GLDC: variants seen among roughly 807,000 people sequenced by gnomAD.
The protein encoded by GLDC is glycine dehydrogenase (decarboxylating), mitochondrial.
In GLDC, 104 loss-of-function variants were observed where a neutral mutation model predicts 121.3. The observed-to-expected ratio is 0.86, with a 90% CI of 0.73 to 1.01. The LOEUF (loss-of-function observed/expected upper bound fraction) is 1.01, where lower values mean the gene tolerates loss of function less well. GLDC is among the 50% of genes least tolerant of loss of function. The pLI is 0.00. For missense variants in GLDC, 1,429 were observed against 1,306.6 expected (o/e 1.09, Z -1.44); for synonymous variants, 546 against 480.6 (o/e 1.14, Z -1.78).
At chr9:6,617,711 CT>C in intron 3 of GLDC, among the ~76,000 whole-genome samples, 1 of 152,292 alleles carries the variant, frequency 6.6e-6, no homozygotes. Flanking sequence ...AGAGATCTGG[CT>C]CCTATAATGA....
chr9:6,629,511 G>C (rs948781452), intron 2 of GLDC, among the ~76,000 whole-genome samples: 4 of 151,902 alleles, frequency 2.6e-5, no homozygotes, highest in African/African-American at 9.7e-5. Flanking sequence ...ACTAGGACTA[G>C]GTTTTAATAT....
At chr9:6,601,973 C>T (rs1369109912) in intron 8 of GLDC, 136 bp downstream of exon 8, 1 of 679,550 alleles carries the variant, frequency 1.5e-6, no homozygotes, top group Admixed American at 2.0e-5. Flanking sequence ...GCCTTCTACA[C>T]CAATAAGATC....
chr9:6,571,097 T>A (rs963436021), intron 15 of GLDC, among the ~76,000 whole-genome samples: 1 of 151,968 alleles, frequency 6.6e-6, no homozygotes, highest in Admixed American at 6.6e-5. Context: ...AAAATAATGA[T>A]TTTCTTATAG....
At chr9:6,553,649 G>A (rs1031012384) in intron 19 of GLDC, 140 bp from the exon 20 acceptor site, 4 of 794,802 alleles carry the variant, frequency 5.0e-6, no homozygotes, top group Non-Finnish European at 8.6e-6. Context: ...CTGCTGGGAG[G>A]CAGATGTTCA....
intron 3 of GLDC, among the ~76,000 whole-genome samples, chr9:6,619,420 G>GT (rs2129945976): frequency 1.3e-5 from 2 of 151,912 alleles, no homozygotes; most frequent in Non-Finnish European, 2.9e-5. Context: ...ACAATTATCT[G>GT]TCCCCCTTAA....
chr9:6,608,925 C>A (rs1431499925), intron 4 of GLDC, among the ~76,000 whole-genome samples: 1 of 152,058 alleles, frequency 6.6e-6, no homozygotes, highest in African/African-American at 2.4e-5. Context: ...CCTGAACCCA[C>A]CCCCAACGGC....
At chr9:6,539,778 C>T (rs1329474394) in intron 22 of GLDC, among the ~76,000 whole-genome samples, 1 of 152,200 alleles carries the variant, frequency 6.6e-6, no homozygotes, top group African/African-American at 2.4e-5. Context: ...CCACTACACT[C>T]ACTGCAACTC....
At chr9:6,608,319 G>A (rs1381239593) in intron 4 of GLDC, among the ~76,000 whole-genome samples, 2 of 150,314 alleles carry the variant, frequency 1.3e-5, no homozygotes, top group Non-Finnish European at 3.0e-5. Context: ...CTACGTGGGA[G>A]GCTGAGGCAG....
At chr9:6,641,184 C>G (rs10815458) in intron 2 of GLDC, among the ~76,000 whole-genome samples, 36,926 of 152,154 alleles carry the variant, frequency 0.24, 4,649 homozygotes, top group South Asian at 0.34. Flanking sequence ...TCCGGCCATT[C>G]TGTCCTATAC....
At chr9:6,621,750 T>C (rs1819100444) in intron 2 of GLDC, among the ~76,000 whole-genome samples, 1 of 152,204 alleles carries the variant, frequency 6.6e-6, no homozygotes, top group African/African-American at 2.4e-5. Context: ...ACTTCTGACT[T>C]CGTGATCCGC....
At chr9:6,596,436 T>G (rs544831703) in intron 8 of GLDC, among the ~76,000 whole-genome samples, 15 of 152,154 alleles carry the variant, frequency 9.9e-5, no homozygotes, top group African/African-American at 3.6e-4. Context: ...TTTCACAAAT[T>G]GAACAAACTT....
At chr9:6,573,503 A>T (rs182212536) in intron 15 of GLDC, among the ~76,000 whole-genome samples, 317 of 152,058 alleles carry the variant, frequency 2.1e-3, no homozygotes, top group Middle Eastern at 6.8e-3. Context: ...TGATTTTTTA[A>T]AAAAAAATCC....
At chr9:6,610,567 T>A (rs767566467) in intron 3 of GLDC, among the ~76,000 whole-genome samples, 1 of 152,202 alleles carries the variant, frequency 6.6e-6, no homozygotes, top group African/African-American at 2.4e-5. Context: ...AAGCAGTACT[T>A]ATTTTTCTAT....
chr9:6,563,519 C>A (rs754786387), intron 16 of GLDC, among the ~76,000 whole-genome samples: 1 of 152,152 alleles, frequency 6.6e-6, no homozygotes, highest in Non-Finnish European at 1.5e-5. Context: ...GACCTCAGAA[C>A]ATGGAAGCCA....
At chr9:6,634,555 A>AC (rs1458365053) in intron 2 of GLDC, among the ~76,000 whole-genome samples, 108 of 95,480 alleles carry the variant, frequency 1.1e-3, no homozygotes, top group East Asian at 4.9e-3. Context: ...AAACAAACAA[A>AC]AAACAAAAAA....
chr9:6,561,610 T>C (rs993322125), intron 16 of GLDC, among the ~76,000 whole-genome samples: 1 of 152,088 alleles, frequency 6.6e-6, no homozygotes, highest in Non-Finnish European at 1.5e-5. Flanking sequence ...GATCATGCCA[T>C]TGCACTCCAG....
intron 16 of GLDC, among the ~76,000 whole-genome samples, chr9:6,561,576 G>C (rs543684389): frequency 6.6e-6 from 1 of 152,186 alleles, no homozygotes. Flanking sequence ...TTGAACCCGG[G>C]AGGCGGAGGT....
At chr9:6,630,217 C>A (rs970212148) in intron 2 of GLDC, among the ~76,000 whole-genome samples, 2 of 151,510 alleles carry the variant, frequency 1.3e-5, no homozygotes, top group Non-Finnish European at 2.9e-5. Flanking sequence ...TGCAGTGAGC[C>A]GAGATCGTGC....
chr9:6,589,912 G>A (rs1427633157), intron 11 of GLDC, among the ~76,000 whole-genome samples: 6 of 151,970 alleles, frequency 3.9e-5, no homozygotes, highest in East Asian at 3.9e-4. Flanking sequence ...AAAATTAGCC[G>A]GTCGTGTTGG....
Sources: allele counts gnomAD v4.1 joint callset (sites outside exome capture counted in the v4.1 genomes callset), GRCh38; gene constraint gnomAD v4.1.1; transcripts MANE v1.5; gene names NCBI Gene and HGNC (gene_info 2026-07-23, HGNC 2026-07-21).